FER1L6: variants seen among roughly 807,000 people sequenced by gnomAD.
FER1L6 encodes fer-1-like protein 6.
FER1L6 carries 177 observed loss-of-function variants against 219.2 expected under a neutral mutation model. The observed-to-expected ratio is 0.81, with a 90% confidence interval of 0.71 to 0.91. The LOEUF (loss-of-function observed/expected upper bound fraction) is 0.91, where lower values mean the gene tolerates loss of function less well. FER1L6 is among the 40% of genes least tolerant of loss of function. The pLI, the probability that FER1L6 is intolerant of heterozygous loss-of-function variation, is 0.00. For synonymous variants in FER1L6, 768 were observed against 824.3 expected (o/e 0.93, Z 1.17); for missense variants, 2,153 against 2,259.9 (o/e 0.95, Z 0.96).
At chr8:123,998,788 C>A (rs1400197533) in intron 12 of FER1L6, among the ~76,000 whole-genome samples, 1 of 152,184 alleles carries the variant, frequency 6.6e-6, no homozygotes, top group Non-Finnish European at 1.5e-5. Flanking sequence ...AACATTCTTT[C>A]CACTCTTCTC....
At chr8:124,010,489 T>C (rs777067872) in intron 13 of FER1L6, 105 bp from the exon 14 acceptor site, 1 of 1,364,842 alleles carries the variant, frequency 7.3e-7, no homozygotes, top group Non-Finnish European at 1.0e-6. Flanking sequence ...TTTTTCATCA[T>C]GCCTCCCGAG....
In FER1L6 at chr8:123,970,021, T is replaced by G. The variant is rs1448753054; in HGVS notation, c.385-14T>G. 5 of 1,613,384 alleles carry G rather than the reference T, an allele frequency of 3.1e-6. No homozygotes were observed. Among genetic ancestry groups the G allele is most frequent in the Middle Eastern group, 1.7e-4 (1 of 6,056 alleles). Reference sequence around the variant, plus strand: ...TCTGGGGTTGATGACCAGAATGAACTTTTTGTTTTGCAGTACTTTGTCTTC... The same window carrying G: ...TCTGGGGTTGATGACCAGAATGAACGTTTTGTTTTGCAGTACTTTGTCTTC... On this transcript the variant is annotated splice_polypyrimidine_tract_variant and intron_variant, in intron 5 of 40. Coordinates refer to ENST00000522917, the MANE Select transcript of FER1L6 (RefSeq NM_001039112.2).
chr8:124,026,983 G>T (rs182703240), intron 18 of FER1L6, among the ~76,000 whole-genome samples: 3 of 152,232 alleles, frequency 2.0e-5, no homozygotes, highest in Admixed American at 2.0e-4. Flanking sequence ...CATGTTCCAG[G>T]CCTCTCTTCT....
chr8:124,011,708 A>C (rs1435681462), intron 14 of FER1L6, among the ~76,000 whole-genome samples: 2 of 148,898 alleles, frequency 1.3e-5, no homozygotes, highest in African/African-American at 5.0e-5. Flanking sequence ...CTGGTCTGGA[A>C]TTCCTGGGCT....
chr8:124,093,802 T>A (rs879751084), intron 34 of FER1L6, among the ~76,000 whole-genome samples: 40 of 151,864 alleles, frequency 2.6e-4, no homozygotes, highest in Non-Finnish European at 5.0e-4. Context: ...TAATTATTTT[T>A]ATTATTTTAA....
chr8:123,998,506 C>A (rs1430009694), intron 12 of FER1L6, among the ~76,000 whole-genome samples: 1 of 151,590 alleles, frequency 6.6e-6, no homozygotes, highest in African/African-American at 2.4e-5. Context: ...CTGGGTCAGA[C>A]CCAAAGCCAG....
At chr8:124,110,412 C>T (rs1188694789) in intron 39 of FER1L6, among the ~76,000 whole-genome samples, 3 of 152,192 alleles carry the variant, frequency 2.0e-5, no homozygotes, top group Admixed American at 6.5e-5. Flanking sequence ...TGAGTCCTAA[C>T]CACTGTGCCA....
chr8:123,893,170 G>A (rs562208440), intron 1 of FER1L6, among the ~76,000 whole-genome samples: 87 of 152,272 alleles, frequency 5.7e-4, no homozygotes, highest in African/African-American at 1.9e-3. Context: ...TTCTCAAAAA[G>A]TGACTTATAA....
chr8:123,921,984 G>A (rs1813377278), intron 1 of FER1L6, among the ~76,000 whole-genome samples: 1 of 152,218 alleles, frequency 6.6e-6, no homozygotes, highest in East Asian at 1.9e-4. Context: ...GGGCCAAGCA[G>A]CAGCATGAGG....
chr8:124,073,582 A>G (rs1310384723), intron 31 of FER1L6, among the ~76,000 whole-genome samples: 1 of 152,132 alleles, frequency 6.6e-6, no homozygotes, highest in African/African-American at 2.4e-5. Context: ...TTTTTTCCTT[A>G]GTTTACAAGA....
At chr8:123,905,738 C>T (rs1161499731) in intron 1 of FER1L6, among the ~76,000 whole-genome samples, 2 of 152,126 alleles carry the variant, frequency 1.3e-5, no homozygotes, top group East Asian at 3.8e-4. Context: ...TGGTTCCTGG[C>T]ACATGATAAT....
At position 123,872,524 on chromosome 8, in the gene FER1L6, C is replaced by T. The variant is rs934578363; in HGVS notation, c.-8+20339C>T. Among the ~76,000 whole-genome samples, 5 of 152,080 alleles carry T rather than the reference C, an allele frequency of 3.3e-5. No individual in the cohort carries two copies. In the East Asian group the frequency reaches 9.6e-4, roughly 29 times the overall value. Reference sequence around the variant, plus strand: ...AGCGGAAGTAATACATTATGAAAAACTAAGACAAACTGAATAAATTTTATA... The same window carrying T: ...AGCGGAAGTAATACATTATGAAAAATTAAGACAAACTGAATAAATTTTATA... On this transcript the variant is annotated intron_variant, in intron 1 of 40. Coordinates refer to ENST00000522917, the MANE Select transcript of FER1L6 (RefSeq NM_001039112.2).
chr8:124,046,682 C>T (rs1002668539), intron 21 of FER1L6: 5 of 152,190 alleles, frequency 3.3e-5, no homozygotes, highest in Admixed American at 2.0e-4. Flanking sequence ...CCTGACAGCC[C>T]CTGTCTTTGG....
chr8:124,112,426 T>C (rs1823059562), intron 39 of FER1L6, among the ~76,000 whole-genome samples: 1 of 152,146 alleles, frequency 6.6e-6, no homozygotes, highest in South Asian at 2.1e-4. Flanking sequence ...ATGGGGACCC[T>C]TGGGAGAAAG....
intron 1 of FER1L6, among the ~76,000 whole-genome samples, chr8:123,910,401 G>A (rs1013549385): frequency 1.3e-5 from 2 of 152,180 alleles, no homozygotes; most frequent in Admixed American, 6.5e-5. Flanking sequence ...TAGAACACTA[G>A]GGAGAGGACC....
intron 19 of FER1L6, among the ~76,000 whole-genome samples, chr8:124,037,019 C>T (rs1371065128): frequency 1.3e-5 from 2 of 152,178 alleles, no homozygotes; most frequent in Non-Finnish European, 2.9e-5. Context: ...AGACACATCT[C>T]TCATAACCAC....
chr8:124,043,527 G>C (rs1287205190), intron 20 of FER1L6, among the ~76,000 whole-genome samples: 1 of 152,220 alleles, frequency 6.6e-6, no homozygotes, highest in African/African-American at 2.4e-5. Flanking sequence ...CACCTTGGCA[G>C]AGTATCTTAT....
chr8:123,948,458 TG>T (rs1432000492), intron 1 of FER1L6, among the ~76,000 whole-genome samples: 6 of 152,250 alleles, frequency 3.9e-5, no homozygotes, highest in Admixed American at 1.3e-4. Flanking sequence ...CTCTTTCTAA[TG>T]TTGCACTTTC....
intron 25 of FER1L6, among the ~76,000 whole-genome samples, chr8:124,062,482 C>T (rs1351587458): frequency 6.6e-6 from 1 of 152,150 alleles, no homozygotes; most frequent in African/African-American, 2.4e-5. Flanking sequence ...GCAGGCCTTA[C>T]GCCAGCATCC....
Sources: gnomAD v4.1 joint callset for allele counts (sites outside exome capture counted in the v4.1 genomes callset) on GRCh38, gnomAD v4.1.1 for gene constraint, MANE v1.5 for transcripts, NCBI Gene and HGNC (gene_info 2026-07-23, HGNC 2026-07-21) for gene names.